The following SEMA5A variants were observed in gnomAD, a reference collection of about 807,000 sequenced individuals.
SEMA5A encodes semaphorin-5A.
A neutral mutation model predicts 135.5 loss-of-function variants in SEMA5A; 55 were observed. That is an observed-to-expected ratio of 0.41 (90% CI 0.33 to 0.51). The LOEUF (loss-of-function observed/expected upper bound fraction) is 0.51, where lower values mean the gene tolerates loss of function less well. SEMA5A is among the 20% of genes least tolerant of loss of function. The pLI, the probability that SEMA5A is intolerant of heterozygous loss-of-function variation, is 0.37. For missense variants in SEMA5A, 1,290 were observed against 1,419.9 expected, an observed-to-expected ratio of 0.91 and a Z score of 1.47; for synonymous variants, 580 against 546.5, an observed-to-expected ratio of 1.06 and a Z score of -0.85.
At chr5:9,065,949 T>G (rs1737440033) in intron 17 of SEMA5A, among the ~76,000 whole-genome samples, 1 of 152,370 alleles carries the variant, frequency 6.6e-6, no homozygotes, top group Non-Finnish European at 1.5e-5. Context: ...TTTCAAAGAC[T>G]ATTCTAGTAT....
intron 8 of SEMA5A, among the ~76,000 whole-genome samples, chr5:9,203,538 G>C (rs1745838620): frequency 1.3e-5 from 2 of 152,146 alleles, no homozygotes. Flanking sequence ...CATTGACAAA[G>C]GGTTGGGATT....
intron 1 of SEMA5A, among the ~76,000 whole-genome samples, chr5:9,473,383 T>TAAAAAAAAAAA (rs58137756): frequency 1.1e-4 from 9 of 79,698 alleles, no homozygotes; most frequent in Admixed American, 1.8e-4. Flanking sequence ...CAATCAGTGG[T>TAAAAAAAAAAA]AAAAAAAAAA....
chr5:9,049,508 G>T (rs1429183692), intron 21 of SEMA5A, among the ~76,000 whole-genome samples: 1 of 152,216 alleles, frequency 6.6e-6, no homozygotes, highest in Admixed American at 6.5e-5. Flanking sequence ...AGTTAGGAAT[G>T]ATAAGTACAT....
At position 9,109,509 on chromosome 5, in the gene SEMA5A, C is replaced by G. The variant is rs144602168; in HGVS notation, c.1926-1222G>C. ...TGAGACACACTCGGTGATTCATAGT[C>G]CATCTAAGAAGCCCAAATTCCCAAA... On this transcript the variant is annotated intron_variant, in intron 15 of 22. Transcript: ENST00000382496. Among the ~76,000 whole-genome samples the G allele has an allele frequency of 8.1e-3, 1,232 of 152,300 alleles. 5 individuals are homozygous for G. The highest frequency in any genetic ancestry group is 0.021 in the South Asian group (100 of 4,828).
At chr5:9,064,859 A>C (rs1005578784) in intron 17 of SEMA5A, among the ~76,000 whole-genome samples, 2 of 152,234 alleles carry the variant, frequency 1.3e-5, no homozygotes. Context: ...AAGATAACTG[A>C]AACTTGCATT....
At chr5:9,138,148 C>T (rs925783711) in intron 12 of SEMA5A, among the ~76,000 whole-genome samples, 1 of 152,164 alleles carries the variant, frequency 6.6e-6, no homozygotes, top group African/African-American at 2.4e-5. Flanking sequence ...GAAACAACTA[C>T]CTGTTCCTAT....
intron 5 of SEMA5A, among the ~76,000 whole-genome samples, chr5:9,312,918 T>G (rs1752208196): frequency 6.6e-6 from 1 of 152,180 alleles, no homozygotes; most frequent in Non-Finnish European, 1.5e-5. Flanking sequence ...TCTACAGAGC[T>G]GAGCCGCCAT....
intron 6 of SEMA5A, among the ~76,000 whole-genome samples, chr5:9,232,828 A>T (rs1336815622): frequency 6.6e-6 from 1 of 152,214 alleles, no homozygotes; most frequent in Non-Finnish European, 1.5e-5. Context: ...CAATTACATA[A>T]AATAAAAGCA....
chr5:9,272,687 T>C (rs1241817752), intron 5 of SEMA5A, among the ~76,000 whole-genome samples: 1 of 152,138 alleles, frequency 6.6e-6, no homozygotes, highest in Admixed American at 6.5e-5. Flanking sequence ...TCTTTGCTAT[T>C]CTGCAGCCTT....
At chr5:9,410,836 A>G (rs1757079000) in intron 2 of SEMA5A, among the ~76,000 whole-genome samples, 1 of 151,596 alleles carries the variant, frequency 6.6e-6, no homozygotes, top group Non-Finnish European at 1.5e-5. Context: ...TTTAGAAGAA[A>G]TGAAAAACAA....
At chr5:9,293,293 A>G (rs573932691) in intron 5 of SEMA5A, among the ~76,000 whole-genome samples, 1 of 152,342 alleles carries the variant, frequency 6.6e-6, no homozygotes. Flanking sequence ...AATACTTGAA[A>G]TGAAATACTC....
At position 9,510,599 on chromosome 5, in the gene SEMA5A, T is replaced by C. The variant is rs76373063; in HGVS notation, c.-175+34985A>G. On this transcript the variant is annotated intron_variant, in intron 1 of 22. Transcript: ENST00000382496. ...CAAACTTTTTAAGGAACTATATAAGTTCCTTTAAGGAACTATTTGTCAACC... is the reference window on the plus strand; with the variant it reads ...CAAACTTTTTAAGGAACTATATAAGCTCCTTTAAGGAACTATTTGTCAACC... Among the ~76,000 whole-genome samples the C allele has an allele frequency of 8.0e-3, 1,210 of 152,200 alleles. 16 individuals carry two copies. The highest frequency in any genetic ancestry group is 0.027 in the African/African-American group (1,140 of 41,554).
chr5:9,099,742 A>T (rs969217847), intron 16 of SEMA5A, among the ~76,000 whole-genome samples: 1 of 152,168 alleles, frequency 6.6e-6, no homozygotes, highest in Non-Finnish European at 1.5e-5. Context: ...AAGCCACCAG[A>T]GCTTTTGATT....
intron 16 of SEMA5A, among the ~76,000 whole-genome samples, chr5:9,088,637 A>ATATATATATATATATATAT (rs1738846706): frequency 1.0e-3 from 111 of 107,752 alleles, no homozygotes; most frequent in African/African-American, 4.1e-3. Flanking sequence ...CTACATTTAT[A>ATATATATATATATATATAT]ATATATATAT....
chr5:9,068,553 C>T (rs888524172), intron 16 of SEMA5A, among the ~76,000 whole-genome samples: 28 of 152,280 alleles, frequency 1.8e-4, no homozygotes, highest in Admixed American at 1.4e-3. Flanking sequence ...GGTCCAGAGA[C>T]GCTCTGTTTT....
intron 16 of SEMA5A, among the ~76,000 whole-genome samples, chr5:9,090,575 C>A (rs1255738455): frequency 6.6e-6 from 1 of 152,166 alleles, no homozygotes; most frequent in Non-Finnish European, 1.5e-5. Flanking sequence ...GTGCAGCTGG[C>A]CTCAAACCTG....
At chr5:9,162,564 G>GTGTGTA (rs1331354641) in intron 11 of SEMA5A, among the ~76,000 whole-genome samples, 2 of 84,016 alleles carry the variant, frequency 2.4e-5, no homozygotes, top group African/African-American at 7.8e-5. Context: ...GTGTGTGTGT[G>GTGTGTA]TATATATATA....
intron 1 of SEMA5A, among the ~76,000 whole-genome samples, chr5:9,447,662 C>A (rs757433314): frequency 3.4e-4 from 51 of 152,180 alleles, no homozygotes; most frequent in Non-Finnish European, 5.7e-4. Context: ...AAATCTAATT[C>A]TGTTCTATTT....
intron 1 of SEMA5A, chr5:9,517,717 T>A (rs183531566): frequency 6.6e-6 from 1 of 152,296 alleles, no homozygotes; most frequent in Admixed American, 6.5e-5. Context: ...CCTATGAAGT[T>A]TATAAAGATT....
Sources: allele counts gnomAD v4.1 joint callset (sites outside exome capture counted in the v4.1 genomes callset), GRCh38; gene constraint gnomAD v4.1.1; transcripts MANE v1.5; gene names NCBI Gene and HGNC (gene_info 2026-07-23, HGNC 2026-07-21).